Variants in NEBL observed in about 807,000 individuals in gnomAD.
The protein encoded by NEBL is nebulette, also known as LIM and SH3 protein 2.
In NEBL, 122 loss-of-function variants were observed where a neutral mutation model predicts 140.2. The observed-to-expected ratio is 0.87, with a 90% CI of 0.75 to 1.01. NEBL has a LOEUF of 1.01. Ranked by LOEUF, NEBL falls within the 50% of genes least tolerant of loss-of-function variation. The pLI is 0.00. For synonymous variants in NEBL, 436 were observed against 398.9 expected (o/e 1.09, Z -1.11); for missense variants, 1,365 against 1,231.3 (o/e 1.11, Z -1.62).
chr10:20,789,666 T>C (rs1168481273), intron 26 of NEBL, among the ~76,000 whole-genome samples: 3 of 152,052 alleles, frequency 2.0e-5, no homozygotes, highest in Admixed American at 6.6e-5. Context: ...CTGAGCAACA[T>C]AGCAGACTCT....
chr10:21,050,880 C>T (rs1834749863), intron 2 of NEBL, among the ~76,000 whole-genome samples: 1 of 152,140 alleles, frequency 6.6e-6, no homozygotes, highest in African/African-American at 2.4e-5. Flanking sequence ...AGCACTGTTT[C>T]CTATGTTAAA....
chr10:21,010,553 C>A (rs1442104682), intron 3 of NEBL, among the ~76,000 whole-genome samples: 1 of 151,570 alleles, frequency 6.6e-6, no homozygotes, highest in East Asian at 1.9e-4. Context: ...CACACCCAGC[C>A]AAGACCAACT....
chr10:20,850,771 G>C (rs1403660611), intron 10 of NEBL, among the ~76,000 whole-genome samples: 1 of 152,150 alleles, frequency 6.6e-6, no homozygotes, highest in Non-Finnish European at 1.5e-5. Context: ...CAAATGGCTG[G>C]AATATATAGA....
chr10:21,273,974 T>G (rs1277740962), intron 1 of NEBL, among the ~76,000 whole-genome samples: 1 of 152,158 alleles, frequency 6.6e-6, no homozygotes, highest in Non-Finnish European at 1.5e-5. Context: ...GACCCATCTT[T>G]CAATGTTCAT....
At chr10:20,801,115 C>G (rs967947320) in intron 26 of NEBL, among the ~76,000 whole-genome samples, 1 of 152,206 alleles carries the variant, frequency 6.6e-6, no homozygotes, top group African/African-American at 2.4e-5. Context: ...GTGCTATGCT[C>G]TCTCTCGTCT....
intron 2 of NEBL, among the ~76,000 whole-genome samples, chr10:21,150,004 TCC>T (rs770669449): frequency 2.2e-4 from 33 of 152,162 alleles, no homozygotes; most frequent in Admixed American, 3.9e-4. Flanking sequence ...CTCAGAACTC[TCC>T]CCTTAGAGAG....
At position 20,868,665 on chromosome 10, in the gene NEBL, T is replaced by C. The variant is rs897592729; in HGVS notation, c.683A>G (p.Gln228Arg). ...GTGGAATCATCACTAAAGCCTTACT[T>C]GACTAGAAAGTTTAGAAGCTTCCAC... is the stretch of plus-strand genomic sequence containing the variant. ...HAVEASKLSS[Q>R]IKYKEKFDNE... Residue 228 changes from glutamine to arginine, a missense_variant and splice_region_variant, in exon 7 of 28, where the codon CAA becomes CGA. Gln to Arg is a conservative substitution (Grantham distance 43). This residue lies in a region of NEBL where 1,323 missense variants were observed against 1,154.8 expected (regional missense o/e 1.15). Transcript: ENST00000377122. 3 of 1,595,880 alleles carry C rather than the reference T, an allele frequency of 1.9e-6. No individual in the cohort carries two copies. The highest frequency in any genetic ancestry group is 2.6e-6 in the Non-Finnish European group (3 of 1,163,588).
chr10:21,059,918 T>C (rs1232111510), intron 2 of NEBL, among the ~76,000 whole-genome samples: 2 of 152,218 alleles, frequency 1.3e-5, no homozygotes, highest in Non-Finnish European at 2.9e-5. Flanking sequence ...AAGGTTTCAA[T>C]GAAAATACTA....
intron 2 of NEBL, among the ~76,000 whole-genome samples, chr10:21,115,364 A>G (rs1838233038): frequency 6.6e-6 from 1 of 152,036 alleles, no homozygotes; most frequent in Admixed American, 6.6e-5. Context: ...CTTTGTGCAG[A>G]TTCAGTTTCC....
intron 3 of NEBL, among the ~76,000 whole-genome samples, chr10:20,979,041 C>T (rs2131658348): frequency 6.6e-6 from 1 of 151,932 alleles, no homozygotes; most frequent in South Asian, 2.1e-4. Flanking sequence ...CTAGCTGAAT[C>T]ACCATAACTC....
At chr10:21,100,875 T>A (rs1218433453) in intron 2 of NEBL, among the ~76,000 whole-genome samples, 1 of 152,236 alleles carries the variant, frequency 6.6e-6, no homozygotes, top group Admixed American at 6.5e-5. Flanking sequence ...CATTAGATGA[T>A]GATAACAAAT....
At chr10:21,147,878 A>C (rs1343596139) in intron 2 of NEBL, among the ~76,000 whole-genome samples, 2 of 152,192 alleles carry the variant, frequency 1.3e-5, no homozygotes, top group Non-Finnish European at 2.9e-5. Context: ...ATTCACTCAC[A>C]GGTTCCTTCA....
At chr10:21,241,491 T>A (rs1243412670) in intron 3 of NEBL, among the ~76,000 whole-genome samples, 3 of 152,152 alleles carry the variant, frequency 2.0e-5, no homozygotes, top group Non-Finnish European at 2.9e-5. Context: ...TGCAATGAAG[T>A]CAACTCAGCA....
chr10:21,094,094 C>G (rs951175209), intron 2 of NEBL, among the ~76,000 whole-genome samples: 1 of 152,160 alleles, frequency 6.6e-6, no homozygotes, highest in African/African-American at 2.4e-5. Flanking sequence ...TGGTAGCTCA[C>G]GCTTGTAATG....
At chr10:21,001,473 CATT>C (rs1311045801) in intron 3 of NEBL, among the ~76,000 whole-genome samples, 1 of 152,082 alleles carries the variant, frequency 6.6e-6, no homozygotes, top group African/African-American at 2.4e-5. Flanking sequence ...CAAGCTATGG[CATT>C]ATCACAGATA....
At chr10:21,031,010 C>T (rs752781673) in intron 2 of NEBL, among the ~76,000 whole-genome samples, 15 of 152,186 alleles carry the variant, frequency 9.9e-5, no homozygotes, top group Admixed American at 5.2e-4. Flanking sequence ...GAGGAAAAAG[C>T]GTGATGCCCA....
intron 10 of NEBL, among the ~76,000 whole-genome samples, chr10:20,851,707 C>T (rs555435428): frequency 4.5e-4 from 69 of 151,958 alleles, no homozygotes; most frequent in Non-Finnish European, 8.7e-4. Context: ...ATCGCTTGAA[C>T]CCAGGAGGCA....
chr10:21,227,028 T>C (rs945081770), intron 3 of NEBL, among the ~76,000 whole-genome samples: 2 of 152,176 alleles, frequency 1.3e-5, no homozygotes, highest in African/African-American at 4.8e-5. Context: ...AGGTAAGATT[T>C]CACCAATTCA....
chr10:20,855,160 C>T (rs111560687), intron 9 of NEBL, among the ~76,000 whole-genome samples: 4,313 of 149,188 alleles, frequency 0.029, 176 homozygotes, highest in African/African-American at 0.1. Context: ...AACCTGGGAG[C>T]GGAGGTTGCA....
Sources: allele counts gnomAD v4.1 joint callset (sites outside exome capture counted in the v4.1 genomes callset), GRCh38; gene constraint gnomAD v4.1.1; regional missense constraint gnomAD v4.1.1; transcripts MANE v1.5; gene names NCBI Gene and HGNC (gene_info 2026-07-23, HGNC 2026-07-21).